The following COX10 variants were observed in gnomAD, a reference collection of about 807,000 sequenced individuals.
The protein encoded by COX10 is protoheme IX farnesyltransferase, mitochondrial.
Under a neutral mutation model 37.3 loss-of-function variants are expected in COX10, and 27 were observed. That is an observed-to-expected ratio of 0.72 (90% CI 0.53 to 1.00). The LOEUF (loss-of-function observed/expected upper bound fraction) is 1.00, where lower values mean the gene tolerates loss of function less well. Among genes scored for constraint, COX10 ranks in the 50% least tolerant of loss-of-function variants. The pLI is 0.00. For synonymous variants in COX10, 222 were observed against 229.1 expected (o/e 0.97, Z 0.28); for missense variants, 475 against 563.2 (o/e 0.84, Z 1.59).
At chr17:14,191,690 G>C (rs2142262822) in intron 5 of COX10, among the ~76,000 whole-genome samples, 1 of 152,292 alleles carries the variant, frequency 6.6e-6, no homozygotes, top group South Asian at 2.1e-4. Context: ...AAACCTAGCT[G>C]CCCTATAGCC....
chr17:14,179,303 G>A (rs1185234596), intron 5 of COX10: 10 of 703,644 alleles, frequency 1.4e-5, no homozygotes, highest in Non-Finnish European at 1.7e-5. Flanking sequence ...ATATTTTTTA[G>A]TGATATCCTT....
intron 3 of COX10, among the ~76,000 whole-genome samples, chr17:14,089,834 A>G (rs1915484689): frequency 6.6e-6 from 1 of 152,056 alleles, no homozygotes; most frequent in Non-Finnish European, 1.5e-5. Context: ...GTGTATTTTA[A>G]TGGTCCCCAT....
At position 14,206,666 on chromosome 17, in the gene COX10, T is replaced by A. The variant is rs911561831; in HGVS notation, c.929-144T>A. Reference sequence around the variant, plus strand: ...AGGCACCTGTCTCCCAGCCACCCTGTGATGTAGGCAGGCAGCGATGAGAGC... The same window carrying A: ...AGGCACCTGTCTCCCAGCCACCCTGAGATGTAGGCAGGCAGCGATGAGAGC... On this transcript the variant is annotated intron_variant, in intron 6 of 6. Coordinates refer to ENST00000261643, the MANE Select transcript of COX10 (RefSeq NM_001303.4). 1.7e-5 allele frequency: 17 copies of A among 1,029,992 alleles called. No individual in the cohort carries two copies. In the Admixed American group the frequency reaches 2.9e-4, roughly 18 times the overall value. 63.8% of individuals were successfully genotyped at this position (1,029,992 alleles called of 1,614,324 possible).
chr17:14,119,521 C>T (rs1290952567), intron 4 of COX10, among the ~76,000 whole-genome samples: 1 of 152,034 alleles, frequency 6.6e-6, no homozygotes, highest in East Asian at 1.9e-4. Flanking sequence ...AATTATAAAC[C>T]TTATTTAAAA....
At chr17:14,185,282 T>A (rs1905992672) in intron 5 of COX10, among the ~76,000 whole-genome samples, 1 of 144,386 alleles carries the variant, frequency 6.9e-6, no homozygotes, top group Non-Finnish European at 1.5e-5. Flanking sequence ...GAAGAGCCGA[T>A]GGTTTTTGTT....
intron 3 of COX10, among the ~76,000 whole-genome samples, chr17:14,091,726 A>C (rs1256658557): frequency 6.6e-6 from 1 of 152,220 alleles, no homozygotes; most frequent in Non-Finnish European, 1.5e-5. Context: ...CAAAATAAGC[A>C]CAGGTAGCTA....
chr17:14,104,267 G>T (rs988502133), intron 4 of COX10, among the ~76,000 whole-genome samples: 4 of 152,076 alleles, frequency 2.6e-5, no homozygotes, highest in Non-Finnish European at 5.9e-5. Context: ...TTATCATTAT[G>T]GTATCAGTCA....
chr17:14,077,384 A>C, intron 3 of COX10: 1 of 307,064 alleles, frequency 3.3e-6, no homozygotes. Flanking sequence ...AGGTTTTGTC[A>C]ACTTGAGTTC....
At chr17:14,161,473 G>A (rs1304945610) in intron 5 of COX10, among the ~76,000 whole-genome samples, 1 of 152,160 alleles carries the variant, frequency 6.6e-6, no homozygotes, top group Non-Finnish European at 1.5e-5. Flanking sequence ...TTAATTATAG[G>A]TGTCAGCTTG....
At chr17:14,139,825 A>C (rs1308558619) in intron 4 of COX10, among the ~76,000 whole-genome samples, 1 of 152,150 alleles carries the variant, frequency 6.6e-6, no homozygotes, top group Non-Finnish European at 1.5e-5. Context: ...TCTTGGAAAA[A>C]TTAGAATGTG....
chr17:14,149,065 A>G (rs1904815757), intron 4 of COX10, among the ~76,000 whole-genome samples: 1 of 149,518 alleles, frequency 6.7e-6, no homozygotes, highest in Non-Finnish European at 1.5e-5. Flanking sequence ...AAATATGTAT[A>G]ATAAGGAAGC....
At chr17:14,097,957 GAAT>G (rs1364569622) in intron 3 of COX10, among the ~76,000 whole-genome samples, 1 of 151,902 alleles carries the variant, frequency 6.6e-6, no homozygotes, top group Admixed American at 6.6e-5. Flanking sequence ...ATTGTTTACA[GAAT>G]AATGACAGGA....
intron 4 of COX10, among the ~76,000 whole-genome samples, chr17:14,158,952 G>C (rs1189980575): frequency 6.6e-6 from 1 of 152,162 alleles, no homozygotes; most frequent in Non-Finnish European, 1.5e-5. Flanking sequence ...AAGGAGACAA[G>C]TAAGAGACAT....
intron 4 of COX10, among the ~76,000 whole-genome samples, chr17:14,144,217 T>C (rs1328926842): frequency 6.6e-6 from 1 of 152,206 alleles, no homozygotes. Context: ...TAACCTTTTC[T>C]TTTTGAGTAC....
At chr17:14,088,932 T>G (rs1316159136) in intron 3 of COX10, among the ~76,000 whole-genome samples, 1 of 152,202 alleles carries the variant, frequency 6.6e-6, no homozygotes, top group East Asian at 1.9e-4. Flanking sequence ...AGAAACCTCC[T>G]TATAAGACTT....
chr17:14,070,079 G>A (rs1263014862), intron 1 of COX10, among the ~76,000 whole-genome samples: 4 of 152,202 alleles, frequency 2.6e-5, no homozygotes, highest in African/African-American at 7.2e-5. Flanking sequence ...TGATGACAAC[G>A]TTGATGATAA....
chr17:14,158,730 G>T (rs1272634876), intron 4 of COX10, among the ~76,000 whole-genome samples: 2 of 152,134 alleles, frequency 1.3e-5, no homozygotes, highest in African/African-American at 4.8e-5. Context: ...ATTTCTCAGA[G>T]ATTTTATTGT....
At chr17:14,079,662 G>A (rs1597492239) in intron 3 of COX10, among the ~76,000 whole-genome samples, 2 of 151,972 alleles carry the variant, frequency 1.3e-5, no homozygotes, top group East Asian at 1.9e-4. Flanking sequence ...CATTAAATTA[G>A]TATAGGCTTA....
intron 5 of COX10, among the ~76,000 whole-genome samples, chr17:14,160,704 G>T (rs1333655577): frequency 6.6e-6 from 1 of 152,144 alleles, no homozygotes; most frequent in Non-Finnish European, 1.5e-5. Flanking sequence ...TATGCAGTCA[G>T]ATTAATCTAT....
Sources: gnomAD v4.1 joint callset for allele counts (sites outside exome capture counted in the v4.1 genomes callset) on GRCh38, gnomAD v4.1.1 for gene constraint, MANE v1.5 for transcripts, NCBI Gene and HGNC (gene_info 2026-07-23, HGNC 2026-07-21) for gene names.